SLC24A2: variants seen among roughly 807,000 people sequenced by gnomAD.
SLC24A2 encodes solute carrier family 24 member 2, also known as sodium/potassium/calcium exchanger 2.
A neutral mutation model predicts 62.0 loss-of-function variants in SLC24A2; 36 were observed. The observed-to-expected ratio is 0.58, with a 90% CI of 0.44 to 0.77. The LOEUF is 0.77. Among genes scored for constraint, SLC24A2 ranks in the 30% least tolerant of loss-of-function variants. SLC24A2 has a pLI of 0.00. For missense variants in SLC24A2, 846 were observed against 817.9 expected, an observed-to-expected ratio of 1.03 and a Z score of -0.42; for synonymous variants, 358 against 294.0, an observed-to-expected ratio of 1.22 and a Z score of -2.23.
the SLC24A2 span, among the ~76,000 whole-genome samples, chr9:20,286,168 A>T: frequency 6.6e-6 from 1 of 152,220 alleles, no homozygotes; most frequent in East Asian, 1.9e-4. Flanking sequence ...CACTGTCCAG[A>T]GGTGGGTGCG....
At chr9:20,035,150 T>G in the SLC24A2 span, among the ~76,000 whole-genome samples, 1 of 152,168 alleles carries the variant, frequency 6.6e-6, no homozygotes, top group African/African-American at 2.4e-5. Context: ...TAATTTTTAC[T>G]GACATTAGGA....
chr9:19,972,241 G>GAGAA, the SLC24A2 span, among the ~76,000 whole-genome samples: 2 of 152,032 alleles, frequency 1.3e-5, no homozygotes, highest in Non-Finnish European at 2.9e-5. Context: ...GTGAGAGAGA[G>GAGAA]AGAAAGAAGG....
chr9:19,858,770 T>C, the SLC24A2 span, among the ~76,000 whole-genome samples: 1 of 152,180 alleles, frequency 6.6e-6, no homozygotes, highest in South Asian at 2.1e-4. Flanking sequence ...GACTAATTTT[T>C]AGTGAAATGC....
chr9:19,703,606 T>C (rs1447770874), intron 2 of SLC24A2, among the ~76,000 whole-genome samples: 1 of 152,116 alleles, frequency 6.6e-6, no homozygotes, highest in African/African-American at 2.4e-5. Context: ...GAAGACTTTC[T>C]GGAAGAAGCA....
At chr9:19,577,071 A>C in intron 5 of SLC24A2, 49 bp from the exon 6 acceptor site, 1 of 1,478,994 alleles carries the variant, frequency 6.8e-7, no homozygotes, top group South Asian at 1.1e-5. Context: ...GAAAGAAGAG[A>C]GTCTCAGGGC....
chr9:19,542,919 A>T (rs906119155), intron 8 of SLC24A2, among the ~76,000 whole-genome samples: 8 of 152,092 alleles, frequency 5.3e-5, no homozygotes, highest in African/African-American at 1.9e-4. Flanking sequence ...TGTCTCTGGC[A>T]GGTTTTGGTA....
chr9:19,684,611 G>T (rs1358817440), intron 2 of SLC24A2, among the ~76,000 whole-genome samples: 1 of 152,054 alleles, frequency 6.6e-6, no homozygotes, highest in African/African-American at 2.4e-5. Context: ...TCAGGGTAGT[G>T]AGTTTCATCT....
At chr9:19,779,791 G>A (rs1822956091) in intron 2 of SLC24A2, among the ~76,000 whole-genome samples, 1 of 152,182 alleles carries the variant, frequency 6.6e-6, no homozygotes, top group African/African-American at 2.4e-5. Context: ...CGGGCGCGGT[G>A]GCTCACGCCT....
the SLC24A2 span, among the ~76,000 whole-genome samples, chr9:20,117,645 C>G: frequency 9.2e-5 from 14 of 152,128 alleles, no homozygotes; most frequent in African/African-American, 3.4e-4. Context: ...GAAACTGAAA[C>G]TCAGAGAAGT....
chr9:20,114,150 G>A, the SLC24A2 span, among the ~76,000 whole-genome samples: 1 of 152,130 alleles, frequency 6.6e-6, no homozygotes, highest in Non-Finnish European at 1.5e-5. Flanking sequence ...AACAGAAAGA[G>A]TGGTCCAAAG....
At chr9:19,806,096 C>G in the SLC24A2 span, among the ~76,000 whole-genome samples, 25 of 152,078 alleles carry the variant, frequency 1.6e-4, no homozygotes, top group South Asian at 2.5e-3. Flanking sequence ...ATAACTCTGA[C>G]TAAAAAGAGT....
chr9:20,046,767 T>C, the SLC24A2 span, among the ~76,000 whole-genome samples: 2 of 152,218 alleles, frequency 1.3e-5, no homozygotes, highest in African/African-American at 4.8e-5. Flanking sequence ...CATCTTCCTT[T>C]ATCCCCAGAG....
chr9:19,674,021 G>T (rs1025114067), intron 2 of SLC24A2, among the ~76,000 whole-genome samples: 1 of 152,174 alleles, frequency 6.6e-6, no homozygotes, highest in African/African-American at 2.4e-5. Context: ...TCAAGGATTT[G>T]TTTCAAGATT....
the SLC24A2 span, among the ~76,000 whole-genome samples, chr9:20,217,452 T>C: frequency 2.6e-5 from 4 of 152,192 alleles, no homozygotes; most frequent in African/African-American, 9.7e-5. Flanking sequence ...AACCTATCAT[T>C]TGTGCTCTTC....
At chr9:19,543,590 C>G (rs532652852) in intron 8 of SLC24A2, among the ~76,000 whole-genome samples, 1 of 152,152 alleles carries the variant, frequency 6.6e-6, no homozygotes, top group Non-Finnish European at 1.5e-5. Flanking sequence ...TTTCCCTCTA[C>G]ACAGTGCTTT....
chr9:20,202,873 C>G, the SLC24A2 span, among the ~76,000 whole-genome samples: 18 of 152,164 alleles, frequency 1.2e-4, no homozygotes, highest in African/African-American at 4.3e-4. Context: ...CCCCAAAACA[C>G]TTAATTTTAC....
intron 8 of SLC24A2, among the ~76,000 whole-genome samples, chr9:19,543,686 T>A (rs899111337): frequency 6.6e-6 from 1 of 152,204 alleles, no homozygotes; most frequent in Non-Finnish European, 1.5e-5. Flanking sequence ...TTTCGTTTTT[T>A]ACCCAGTAGT....
At chr9:19,622,395 G>A (rs958215400) in intron 2 of SLC24A2, 96 bp from the exon 3 acceptor site, 3 of 1,253,260 alleles carry the variant, frequency 2.4e-6, no homozygotes, top group Non-Finnish European at 3.4e-6. Context: ...ATCAGTATAG[G>A]GGAAGATTTC....
At chr9:19,748,063 CT>C (rs1821884571) in intron 2 of SLC24A2, among the ~76,000 whole-genome samples, 1 of 152,124 alleles carries the variant, frequency 6.6e-6, no homozygotes. Flanking sequence ...TTCCTATTTG[CT>C]GGTTCTGCAA....
Sources: allele counts gnomAD v4.1 joint callset (sites outside exome capture counted in the v4.1 genomes callset), GRCh38; gene constraint gnomAD v4.1.1; transcripts MANE v1.5; gene names NCBI Gene and HGNC (gene_info 2026-07-23, HGNC 2026-07-21).